NXPE2: variants seen among roughly 807,000 people sequenced by gnomAD.
NXPE2 encodes neurexophilin and PC-esterase domain family member 2.
A neutral mutation model predicts 34.4 loss-of-function variants in NXPE2; 34 were observed. The ratio of observed to expected loss-of-function variants is 0.99; its 90% CI spans 0.75 to 1.31. The LOEUF (loss-of-function observed/expected upper bound fraction) is 1.31. NXPE2 is among the 40% of genes most tolerant of loss of function. The pLI, the probability that NXPE2 is intolerant of heterozygous loss-of-function variation, is 0.00. For missense variants in NXPE2, 649 were observed against 672.5 expected, an observed-to-expected ratio of 0.97 and a Z score of 0.39; for synonymous variants, 235 against 231.3, an observed-to-expected ratio of 1.02 and a Z score of -0.15.
the NXPE2 span, among the ~76,000 whole-genome samples, chr11:114,640,780 T>C: frequency 6.6e-6 from 1 of 152,046 alleles, no homozygotes; most frequent in East Asian, 1.9e-4. Flanking sequence ...TCCATGTAAT[T>C]TACTCACTTT....
the NXPE2 span, among the ~76,000 whole-genome samples, chr11:114,467,792 C>T: frequency 6.6e-6 from 1 of 151,666 alleles, no homozygotes; most frequent in Non-Finnish European, 1.5e-5. Flanking sequence ...AAAATTTTGC[C>T]GGGTGTGGTG....
chr11:114,624,447 G>T, the NXPE2 span, among the ~76,000 whole-genome samples: 1 of 152,110 alleles, frequency 6.6e-6, no homozygotes, highest in Non-Finnish European at 1.5e-5. Context: ...TTGCCTCATG[G>T]GTAACCACTG....
At chr11:114,665,827 T>G in the NXPE2 span, among the ~76,000 whole-genome samples, 4 of 152,170 alleles carry the variant, frequency 2.6e-5, no homozygotes, top group African/African-American at 7.2e-5. Context: ...TTACTGTAAC[T>G]ACTTGAAGCT....
At chr11:114,767,839 A>G in the NXPE2 span, among the ~76,000 whole-genome samples, 2 of 152,158 alleles carry the variant, frequency 1.3e-5, no homozygotes, top group East Asian at 3.9e-4. Flanking sequence ...CATTCCACTG[A>G]TGTCTATGAT....
chr11:114,644,815 G>A, the NXPE2 span, among the ~76,000 whole-genome samples: 2 of 150,962 alleles, frequency 1.3e-5, no homozygotes, highest in Non-Finnish European at 2.9e-5. Context: ...CACCCTGCCA[G>A]ATATCAATTT....
the NXPE2 span, among the ~76,000 whole-genome samples, chr11:114,659,919 A>T: frequency 1.3e-5 from 2 of 152,122 alleles, no homozygotes; most frequent in Non-Finnish European, 1.5e-5. Flanking sequence ...ACTGCTCAGG[A>T]TGACTAAAAA....
the NXPE2 span, among the ~76,000 whole-genome samples, chr11:114,508,461 C>T: frequency 6.6e-6 from 1 of 152,096 alleles, no homozygotes; most frequent in African/African-American, 2.4e-5. Context: ...AAAGAACAAA[C>T]TGGAGGCATC....
the NXPE2 span, among the ~76,000 whole-genome samples, chr11:114,628,130 C>G: frequency 4.2e-5 from 6 of 143,638 alleles, no homozygotes; most frequent in Non-Finnish European, 6.1e-5. Context: ...AAGTCAACAA[C>G]GATACCCAAG....
the NXPE2 span, chr11:114,530,916 G>C: frequency 6.3e-7 from 1 of 1,595,736 alleles, no homozygotes; most frequent in Non-Finnish European, 8.5e-7. Flanking sequence ...AAGCTGAAAT[G>C]ACAAGGATTG....
the NXPE2 span, among the ~76,000 whole-genome samples, chr11:114,722,166 T>C: frequency 6.6e-6 from 1 of 152,210 alleles, no homozygotes; most frequent in South Asian, 2.1e-4. Flanking sequence ...TCTCGAATTG[T>C]AATCCCCACA....
the NXPE2 span, among the ~76,000 whole-genome samples, chr11:114,619,447 A>G: frequency 6.7e-6 from 1 of 150,292 alleles, no homozygotes; most frequent in African/African-American, 2.4e-5. Flanking sequence ...CCCGGTGGAG[A>G]ATAAGTGTTG....
chr11:114,742,736 G>C, the NXPE2 span, among the ~76,000 whole-genome samples: 11 of 151,986 alleles, frequency 7.2e-5, no homozygotes, highest in Non-Finnish European at 1.3e-4. Context: ...TCTGTAGGGG[G>C]ATGATGGTAG....
chr11:114,719,895 C>T, the NXPE2 span, among the ~76,000 whole-genome samples: 1 of 152,180 alleles, frequency 6.6e-6, no homozygotes, highest in Non-Finnish European at 1.5e-5. Flanking sequence ...CTAACACTTG[C>T]TTGGTTCCCA....
chr11:114,639,204 T>C, the NXPE2 span, among the ~76,000 whole-genome samples: 2 of 151,938 alleles, frequency 1.3e-5, no homozygotes, highest in African/African-American at 2.4e-5. Context: ...ACTGCCGCCT[T>C]TCAGTTTGAT....
chr11:114,770,760 CA>C, the NXPE2 span, among the ~76,000 whole-genome samples: 1 of 152,170 alleles, frequency 6.6e-6, no homozygotes, highest in Non-Finnish European at 1.5e-5. Flanking sequence ...ACAAACTACA[CA>C]CAAATCTAGT....
At chr11:114,706,096 TTTA>T in intron 5 of NXPE2, 100 bp downstream of exon 5, 2 of 441,710 alleles carry the variant, frequency 4.5e-6, no homozygotes, top group Non-Finnish European at 7.1e-6. Flanking sequence ...TTTATTTTAT[TTTA>T]TTTTATTTTA....
At chr11:114,505,012 C>T in the NXPE2 span, among the ~76,000 whole-genome samples, 1,125 of 152,222 alleles carry the variant, frequency 7.4e-3, 18 homozygotes, top group African/African-American at 0.025. Context: ...GGAACTGACA[C>T]ACAAAATAGC....
At chr11:114,624,000 C>T in the NXPE2 span, among the ~76,000 whole-genome samples, 1 of 152,062 alleles carries the variant, frequency 6.6e-6, no homozygotes, top group Admixed American at 6.5e-5. Flanking sequence ...ACCACTGTTA[C>T]CCGGTGGATA....
At chr11:114,498,347 G>A in the NXPE2 span, among the ~76,000 whole-genome samples, 2 of 152,042 alleles carry the variant, frequency 1.3e-5, no homozygotes, top group African/African-American at 4.8e-5. Flanking sequence ...AATACTTGAG[G>A]TGATAGAGAT....
Sources: gnomAD v4.1 joint callset for allele counts (sites outside exome capture counted in the v4.1 genomes callset) on GRCh38, gnomAD v4.1.1 for gene constraint, MANE v1.5 for transcripts, NCBI Gene and HGNC (gene_info 2026-07-23, HGNC 2026-07-21) for gene names.